Variants in ASH1L observed in about 807,000 individuals in gnomAD.
The protein encoded by ASH1L is ASH1 like histone lysine methyltransferase.
Under a neutral mutation model 269.0 loss-of-function variants are expected in ASH1L, and 23 were observed. The observed-to-expected ratio is 0.09, with a 90% confidence interval of 0.06 to 0.12. The LOEUF is 0.12. Ranked by LOEUF, ASH1L falls within the 10% of genes least tolerant of loss-of-function variation. ASH1L has a pLI of 1.00. For synonymous variants in ASH1L, 1,187 were observed against 1,253.5 expected (o/e 0.95, Z 1.12); for missense variants, 2,912 against 3,567.8 (o/e 0.82, Z 4.68).
At chr1:155,469,964 G>A (rs1664973463) in intron 3 of ASH1L, among the ~76,000 whole-genome samples, 1 of 152,010 alleles carries the variant, frequency 6.6e-6, no homozygotes, top group Admixed American at 6.6e-5. Flanking sequence ...CATCTCTTGG[G>A]TCCCATATCA....
At chr1:155,387,193 C>T (rs140379691) in intron 7 of ASH1L, among the ~76,000 whole-genome samples, 38 of 152,214 alleles carry the variant, frequency 2.5e-4, no homozygotes, top group Non-Finnish European at 3.1e-4. Flanking sequence ...AGGCTGGTCT[C>T]GAACTGCTGG....
chr1:155,460,044 G>T, intron 3 of ASH1L, 146 bp from the exon 4 acceptor site: 1 of 595,326 alleles, frequency 1.7e-6, no homozygotes. Context: ...ATATTAGGAG[G>T]AAAATAAGCA....
chr1:155,423,343 G>C lies in ASH1L; in HGVS notation c.5829-7420C>G, dbSNP rs1006393505. 7.9e-5 allele frequency among the ~76,000 whole-genome samples: 12 copies of C among 151,820 alleles called. 1 individual carries two copies. The highest frequency in any genetic ancestry group is 2.9e-4 in the African/African-American group (12 of 41,392). The stretch of plus-strand genomic sequence containing the variant: ...CACCTGTAATCCCAGCACGTTGGGA[G>C]GCCGAGGCAGGCAGATCACGAGTTC... On this transcript the variant is annotated intron_variant, in intron 5 of 27. Coordinates refer to ENST00000392403, the MANE Select transcript of ASH1L (RefSeq NM_018489.3).
chr1:155,449,575 A>C (rs1240603777), intron 4 of ASH1L, among the ~76,000 whole-genome samples: 1 of 149,496 alleles, frequency 6.7e-6, no homozygotes, highest in Admixed American at 6.7e-5. Flanking sequence ...GCTGCAGTGC[A>C]GTGGCACGAT....
chr1:155,539,367 A>G (rs1365193092), intron 1 of ASH1L, among the ~76,000 whole-genome samples: 1 of 152,098 alleles, frequency 6.6e-6, no homozygotes, highest in Non-Finnish European at 1.5e-5. Flanking sequence ...GAATATAGCA[A>G]CAGCCCTCTA....
Position 155,415,741 on chromosome 1 carries a change from T to C in ASH1L, c.6008+3A>G. On this transcript the variant is annotated splice_donor_region_variant and intron_variant, in intron 6 of 27. Coordinates refer to ENST00000392403, the MANE Select transcript of ASH1L (RefSeq NM_018489.3). The stretch of plus-strand genomic sequence containing the variant: ...ATGTTAGCTAATAGGTACTACTACT[T>C]ACTCTGTAGTTTTGTAAACGTCAGA... 1.2e-6 allele frequency: 2 copies of C among 1,613,582 alleles called. No individual in the cohort carries two copies. The highest frequency in any genetic ancestry group is 1.7e-6 in the Non-Finnish European group (2 of 1,179,802).
intron 2 of ASH1L, among the ~76,000 whole-genome samples, chr1:155,506,620 C>T (rs1232202258): frequency 6.6e-6 from 1 of 152,098 alleles, no homozygotes; most frequent in Non-Finnish European, 1.5e-5. Flanking sequence ...CTGCTTGAAC[C>T]TGGGAGGTGG....
chr1:155,392,488 C>CTTAT (rs763393785), intron 7 of ASH1L, among the ~76,000 whole-genome samples: 25 of 151,972 alleles, frequency 1.6e-4, no homozygotes, highest in Non-Finnish European at 3.1e-4. Flanking sequence ...GCATTTTTTT[C>CTTAT]TTATTTATTT....
rs72993486 is a variant in ASH1L at position 155,482,494 on chromosome 1, C to T, written c.421-45G>A. The stretch of plus-strand genomic sequence containing the variant: ...AAAGTTAAAGAGGGAGTAAACCTTA[C>T]ACCACTTTAGCTTAGCTTAACAATC... On this transcript the variant is annotated intron_variant, in intron 2 of 27. Transcript: ENST00000392403. 17,218 of 1,550,796 alleles carry T rather than the reference C, an allele frequency of 0.011. 1,665 individuals carry two copies. In the African/African-American group the frequency reaches 0.21, roughly 19 times the overall value.
chr1:155,509,048 A>G (rs1317069293), intron 2 of ASH1L, among the ~76,000 whole-genome samples: 1 of 152,186 alleles, frequency 6.6e-6, no homozygotes, highest in African/African-American at 2.4e-5. Context: ...CTTTATAATC[A>G]GCCACATTCT....
intron 1 of ASH1L, among the ~76,000 whole-genome samples, chr1:155,550,025 C>T (rs1029941136): frequency 1.5e-5 from 2 of 132,224 alleles, no homozygotes; most frequent in Non-Finnish European, 1.6e-5. Context: ...TCACGATAGC[C>T]TCTTTTTTTT....
chr1:155,460,033 G>T, intron 3 of ASH1L, 135 bp from the exon 4 acceptor site: 2 of 608,400 alleles, frequency 3.3e-6, no homozygotes, highest in Admixed American at 3.4e-5. Flanking sequence ...CTTGTAACCT[G>T]ATATTAGGAG....
chr1:155,540,696 G>C (rs970398191), intron 1 of ASH1L, among the ~76,000 whole-genome samples: 6 of 150,264 alleles, frequency 4.0e-5, no homozygotes, highest in Admixed American at 4.0e-4. Context: ...TTGAGCCTGG[G>C]AAGTCAAGGC....
At chr1:155,399,805 G>A (rs964231801) in intron 6 of ASH1L, among the ~76,000 whole-genome samples, 1 of 152,198 alleles carries the variant, frequency 6.6e-6, no homozygotes, top group Admixed American at 6.5e-5. Context: ...AAGGAAAGGT[G>A]AAGTAGGGAA....
intron 1 of ASH1L, among the ~76,000 whole-genome samples, chr1:155,559,677 A>G (rs1571163588): frequency 1.3e-5 from 2 of 152,178 alleles, no homozygotes; most frequent in African/African-American, 4.8e-5. Flanking sequence ...CAAAATTTCA[A>G]CTTCTAGGAA....
chr1:155,531,363 TTC>T (rs2148867447), intron 1 of ASH1L, among the ~76,000 whole-genome samples: 1 of 152,200 alleles, frequency 6.6e-6, no homozygotes, highest in South Asian at 2.1e-4. Context: ...TTCCAAAGAA[TTC>T]TTTTTTTTTT....
At chr1:155,457,807 C>A (rs939517021) in intron 4 of ASH1L, among the ~76,000 whole-genome samples, 1 of 152,142 alleles carries the variant, frequency 6.6e-6, no homozygotes, top group Non-Finnish European at 1.5e-5. Flanking sequence ...TTTAGATATT[C>A]TTTCTTTTGT....
intron 3 of ASH1L, among the ~76,000 whole-genome samples, chr1:155,473,429 T>A (rs1043374721): frequency 3.9e-5 from 6 of 152,086 alleles, no homozygotes; most frequent in African/African-American, 1.4e-4. Context: ...CTTCTTTATA[T>A]CCCTACAAGC....
chr1:155,415,308 G>A lies in ASH1L; in HGVS notation c.6008+436C>T, dbSNP rs538219816. On this transcript the variant is annotated intron_variant, in intron 6 of 27. Transcript: ENST00000392403. ...GAGGTAGGAGAATGGCGTGAACCCC[G>A]GAGGCAGAGTTTGCAGTGAGCCAAG... 1.3e-3 allele frequency among the ~76,000 whole-genome samples: 193 copies of A among 151,138 alleles called. 5 individuals carry two copies. Among genetic ancestry groups the A allele is most frequent in the Admixed American group, 0.013 (191 of 15,148 alleles).
Sources: allele counts gnomAD v4.1 joint callset (sites outside exome capture counted in the v4.1 genomes callset), GRCh38; gene constraint gnomAD v4.1.1; transcripts MANE v1.5; gene names NCBI Gene and HGNC (gene_info 2026-07-23, HGNC 2026-07-21).